The following WWC1 variants were observed in gnomAD, a reference collection of about 807,000 sequenced individuals.
WWC1 encodes protein KIBRA.
Under a neutral mutation model 138.4 loss-of-function variants are expected in WWC1, and 55 were observed. The ratio of observed to expected loss-of-function variants is 0.40; its 90% CI spans 0.32 to 0.50. The LOEUF is 0.50. Among genes scored for constraint, WWC1 ranks in the 20% least tolerant of loss-of-function variants. The pLI, the probability that WWC1 is intolerant of heterozygous loss-of-function variation, is 0.72. For missense variants in WWC1, 1,226 were observed against 1,420.4 expected (o/e 0.86, Z 2.20); for synonymous variants, 524 against 564.9 (o/e 0.93, Z 1.03).
In WWC1 at chr5:168,454,036, A is replaced by C; in HGVS notation, c.2594A>C (p.Glu865Ala). ...EEEEEEVEEE[E>A]GEEDVFTEKA... ...GAGGAGGAGGAGGTGGAGGAGGAGG[A>C]GGGAGAAGAGGATGTTTTCACCGAG... Residue 865 changes from glutamate (E) to alanine (A), a missense_variant, in exon 18 of 23, where the codon GAG becomes GCG. Transcript: ENST00000265293. 1 of 1,571,346 alleles carries C rather than the reference A, an allele frequency of 6.4e-7. No individual in the cohort carries two copies. Among genetic ancestry groups the C allele is most frequent in the Middle Eastern group, 1.8e-4 (1 of 5,542 alleles).
chr5:168,464,786 G>A lies in WWC1; in HGVS notation c.2974G>A (p.Glu992Lys), dbSNP rs1224166674. 6.2e-7 allele frequency: 1 copy of A among 1,614,176 alleles called. No homozygotes were observed. The highest frequency in any genetic ancestry group is 2.2e-5 in the East Asian group (1 of 44,850). The change falls in exon 21 of 23, where the codon GAG (glutamate) becomes AAG (lysine). Residue 992 changes from glutamate (E) to lysine (K), a missense_variant. This residue lies in a region of WWC1 where 206 missense variants were observed against 247.4 expected (regional missense o/e 0.83). Transcript: ENST00000265293. The part of the protein sequence containing the change: ...ERLIRTSLDL[E>K]LDLQATRTWH... Reference sequence around the variant, plus strand: ...TCTGATCCGTACCTCGCTGGACCTGGAGTTAGACCTGCAGGCGACAAGAAC... The same window carrying A: ...TCTGATCCGTACCTCGCTGGACCTGAAGTTAGACCTGCAGGCGACAAGAAC...
intron 18 of WWC1, 118 bp downstream of exon 18, chr5:168,454,218 C>T (rs1026076882): frequency 7.5e-6 from 11 of 1,459,216 alleles, no homozygotes; most frequent in Non-Finnish European, 1.0e-5. Context: ...AGGGCACAAG[C>T]CCTCATAATG....
rs1043277176 is a variant in WWC1, at chr5:168,471,855, C to G, written c.*2838C>G. 2.0e-5 allele frequency: 3 copies of G among 152,280 alleles called. No individual in the cohort carries two copies. The highest frequency in any genetic ancestry group is 2.9e-5 in the Non-Finnish European group (2 of 68,076). 9.4% of individuals were successfully genotyped at this position (152,280 alleles called of 1,614,324 possible). A position where few individuals can be genotyped will look rare whatever the true frequency, so the allele number is the denominator to read the frequency against. On this transcript the variant is annotated 3_prime_UTR_variant, in exon 23 of 23. Transcript: ENST00000265293. ...GACAGAATGGGGGTGTCCTGGGGAT[C>G]TTGGAGCCTGAATTCATTGGCACAA...
intron 3 of WWC1, among the ~76,000 whole-genome samples, chr5:168,394,396 G>A (rs373369956): frequency 6.6e-6 from 1 of 152,122 alleles, no homozygotes; most frequent in South Asian, 2.1e-4. Context: ...TTAAACTTTG[G>A]GGCAAGATAG....
intron 17 of WWC1, among the ~76,000 whole-genome samples, chr5:168,448,719 C>T (rs774144084): frequency 3.4e-5 from 5 of 148,692 alleles, no homozygotes; most frequent in South Asian, 2.1e-4. Context: ...CCTGGGTTCA[C>T]GCCATTCTCA....
chr5:168,370,400 C>T (rs1776662992), intron 1 of WWC1, among the ~76,000 whole-genome samples: 1 of 152,188 alleles, frequency 6.6e-6, no homozygotes, highest in African/African-American at 2.4e-5. Flanking sequence ...GATGAGAAAT[C>T]CTAGACCCCA....
chr5:168,332,145 CAAA>C (rs58312732), intron 1 of WWC1, among the ~76,000 whole-genome samples: 2 of 126,298 alleles, frequency 1.6e-5, no homozygotes. Flanking sequence ...GATTCTGTCT[CAAA>C]AAAAAAAAAA....
At position 168,428,095 on chromosome 5, in the gene WWC1, G is replaced by A; in HGVS notation, c.1873G>A (p.Glu625Lys). The change falls in exon 12 of 23, where the codon GAG (glutamate) becomes AAG (lysine). Residue 625 changes from glutamate to lysine, a missense_variant. Physicochemically the swap from Glu to Lys is moderately conservative, Grantham distance 56. Transcript: ENST00000265293. ...VACVSAAVSD[E>K]SVAGDSGVYE... Reference sequence around the variant, plus strand: ...CTGTGTCTCAGCCGCCGTATCGGACGAGTCAGTGGCTGGAGACAGTGGTGT... The same window carrying A: ...CTGTGTCTCAGCCGCCGTATCGGACAAGTCAGTGGCTGGAGACAGTGGTGT... 2 of 1,613,810 alleles carry A rather than the reference G, an allele frequency of 1.2e-6. No homozygotes were observed. The highest frequency in any genetic ancestry group is 1.7e-6 in the Non-Finnish European group (2 of 1,179,838).
intron 2 of WWC1, among the ~76,000 whole-genome samples, chr5:168,375,181 C>A (rs892166785): frequency 2.6e-5 from 4 of 152,046 alleles, no homozygotes; most frequent in African/African-American, 9.7e-5. Flanking sequence ...TATGTAAAGA[C>A]ACTAAGTTGG....
At chr5:168,333,263 C>G (rs967473649) in intron 1 of WWC1, among the ~76,000 whole-genome samples, 1 of 152,230 alleles carries the variant, frequency 6.6e-6, no homozygotes, top group African/African-American at 2.4e-5. Context: ...TTCCCTTTCT[C>G]CTCTCCTTCC....
intron 1 of WWC1, among the ~76,000 whole-genome samples, chr5:168,335,631 A>G (rs1773392777): frequency 1.3e-5 from 2 of 152,228 alleles, no homozygotes; most frequent in Non-Finnish European, 2.9e-5. Flanking sequence ...TCACACAGCT[A>G]GAGGTGGAAG....
At chr5:168,389,290 T>C (rs1161487993) in intron 3 of WWC1, among the ~76,000 whole-genome samples, 2 of 151,062 alleles carry the variant, frequency 1.3e-5, no homozygotes. Flanking sequence ...CTATGAAAAA[T>C]ACAAAAATTA....
chr5:168,454,715 C>A (rs146894600), intron 18 of WWC1, among the ~76,000 whole-genome samples: 13 of 152,308 alleles, frequency 8.5e-5, no homozygotes, highest in Non-Finnish European at 1.6e-4. Context: ...AGGACCTGGG[C>A]CCTCGTTCTA....
At chr5:168,343,496 C>T (rs920304141) in intron 1 of WWC1, among the ~76,000 whole-genome samples, 14 of 152,128 alleles carry the variant, frequency 9.2e-5, no homozygotes, top group African/African-American at 3.4e-4. Flanking sequence ...AGCAGCAGCA[C>T]GCAGAGCTGG....
intron 1 of WWC1, among the ~76,000 whole-genome samples, chr5:168,319,151 G>A (rs1280854818): frequency 2.6e-5 from 4 of 152,156 alleles, no homozygotes; most frequent in African/African-American, 9.6e-5. Context: ...CGGGCGTGGT[G>A]GCTCACGCCT....
intron 19 of WWC1, among the ~76,000 whole-genome samples, chr5:168,460,222 C>T (rs899048007): frequency 6.6e-6 from 1 of 152,156 alleles, no homozygotes; most frequent in Non-Finnish European, 1.5e-5. Context: ...GCAAATGGCC[C>T]TTTGTGTAGA....
chr5:168,381,308 T>G (rs1777613182), intron 2 of WWC1, among the ~76,000 whole-genome samples: 2 of 152,184 alleles, frequency 1.3e-5, no homozygotes, highest in Admixed American at 1.3e-4. Flanking sequence ...AGGTGCCCGT[T>G]CCAGATGAAA....
chr5:168,432,726 C>A (rs1324942393), intron 15 of WWC1, among the ~76,000 whole-genome samples: 4 of 152,102 alleles, frequency 2.6e-5, no homozygotes, highest in Non-Finnish European at 4.4e-5. Flanking sequence ...GACAAGGTGC[C>A]AGCATTGATG....
intron 5 of WWC1, among the ~76,000 whole-genome samples, chr5:168,403,284 A>C (rs1030661937): frequency 1.3e-5 from 2 of 151,952 alleles, no homozygotes; most frequent in African/African-American, 4.8e-5. Flanking sequence ...TTTTTAGTAG[A>C]GATGGGGTTT....
Sources: allele counts gnomAD v4.1 joint callset (sites outside exome capture counted in the v4.1 genomes callset), GRCh38; gene constraint gnomAD v4.1.1; regional missense constraint gnomAD v4.1.1; transcripts MANE v1.5; gene names NCBI Gene and HGNC (gene_info 2026-07-23, HGNC 2026-07-21).